Variants in RGS6 observed in about 807,000 individuals in gnomAD.
RGS6 encodes regulator of G-protein signaling 6.
RGS6 carries 30 observed loss-of-function variants against 78.5 expected under a neutral mutation model. The observed-to-expected ratio is 0.38, with a 90% confidence interval of 0.29 to 0.52. The LOEUF (loss-of-function observed/expected upper bound fraction) is 0.52, where lower values mean the gene tolerates loss of function less well. Among genes scored for constraint, RGS6 ranks in the 20% least tolerant of loss-of-function variants. The probability of loss-of-function intolerance (pLI) is 0.85; values close to 1 mark genes in which losing one functional copy is unlikely to be tolerated. For missense variants in RGS6, 495 were observed against 609.7 expected, an observed-to-expected ratio of 0.81 and a Z score of 1.98; for synonymous variants, 206 against 206.0, an observed-to-expected ratio of 1.00 and a Z score of 0.00.
At chr14:72,430,839 A>G (rs1597408186) in intron 3 of RGS6, among the ~76,000 whole-genome samples, 2 of 152,182 alleles carry the variant, frequency 1.3e-5, no homozygotes, top group Admixed American at 6.5e-5. Context: ...GAGGGTTGCA[A>G]CCATGGCTTT....
intron 2 of RGS6, among the ~76,000 whole-genome samples, chr14:72,047,892 A>ATTT (rs1470612017): frequency 1.2e-4 from 10 of 83,458 alleles, no homozygotes; most frequent in Non-Finnish European, 1.3e-4. Flanking sequence ...TGCCCAGCTA[A>ATTT]TTTTTGTTTT....
chr14:72,594,879 T>C, the RGS6 span: 1 of 152,188 alleles, frequency 6.6e-6, no homozygotes, highest in African/African-American at 2.4e-5. Context: ...TGAAGGCCAC[T>C]GCCTTGGACT....
chr14:72,229,986 T>A (rs2049140337), intron 2 of RGS6, among the ~76,000 whole-genome samples: 1 of 152,212 alleles, frequency 6.6e-6, no homozygotes, highest in Admixed American at 6.5e-5. Flanking sequence ...TGTGGGCCAA[T>A]CACTTGTGCA....
the RGS6 span, among the ~76,000 whole-genome samples, chr14:72,622,004 A>G: frequency 6.6e-6 from 1 of 152,164 alleles, no homozygotes; most frequent in Non-Finnish European, 1.5e-5. Context: ...TGAGATATGG[A>G]CTTGGGATTC....
chr14:72,020,327 A>T (rs2088124317), intron 2 of RGS6, among the ~76,000 whole-genome samples: 1 of 152,214 alleles, frequency 6.6e-6, no homozygotes, highest in Non-Finnish European at 1.5e-5. Context: ...ATTTAATCAG[A>T]CCAAGTGCCT....
intron 3 of RGS6, among the ~76,000 whole-genome samples, chr14:72,370,123 CTGAA>C (rs2083193976): frequency 6.8e-6 from 1 of 148,020 alleles, no homozygotes; most frequent in Admixed American, 6.8e-5. Flanking sequence ...GACCAACTGT[CTGAA>C]TGAGAACAAT....
intron 2 of RGS6, among the ~76,000 whole-genome samples, chr14:72,093,348 T>A (rs1002910555): frequency 2.6e-5 from 4 of 152,146 alleles, no homozygotes; most frequent in African/African-American, 9.7e-5. Context: ...GCTCAAGTGA[T>A]CCTCCTACCT....
the RGS6 span, among the ~76,000 whole-genome samples, chr14:72,591,646 C>G: frequency 6.6e-6 from 1 of 152,204 alleles, no homozygotes; most frequent in South Asian, 2.1e-4. Flanking sequence ...ACAGCATTTA[C>G]CTGGTGCCTA....
intron 2 of RGS6, among the ~76,000 whole-genome samples, chr14:71,997,704 G>C (rs753637677): frequency 6.6e-6 from 1 of 152,164 alleles, no homozygotes; most frequent in Non-Finnish European, 1.5e-5. Flanking sequence ...TGAGTCAGAG[G>C]CCTGGGGGTC....
chr14:72,499,993 G>A (rs543041369), intron 13 of RGS6, among the ~76,000 whole-genome samples: 7 of 152,292 alleles, frequency 4.6e-5, no homozygotes, highest in East Asian at 1.9e-4. Flanking sequence ...TTATTTGATC[G>A]TTTCATTGGT....
chr14:71,957,151 A>C (rs1365770694), intron 1 of RGS6, among the ~76,000 whole-genome samples: 1 of 152,150 alleles, frequency 6.6e-6, no homozygotes, highest in Non-Finnish European at 1.5e-5. Flanking sequence ...TAGGTCTTTG[A>C]CTCTGATGTT....
At chr14:72,524,225 AT>A (rs1174691248) in intron 15 of RGS6, among the ~76,000 whole-genome samples, 1 of 152,158 alleles carries the variant, frequency 6.6e-6, no homozygotes, top group African/African-American at 2.4e-5. Flanking sequence ...TAAGAACTGA[AT>A]TTTCAGGTCC....
At chr14:71,972,776 A>G (rs2093890531) in intron 2 of RGS6, among the ~76,000 whole-genome samples, 2 of 152,126 alleles carry the variant, frequency 1.3e-5, no homozygotes. Context: ...TACAGATGGG[A>G]GGATGTGTTT....
intron 2 of RGS6, among the ~76,000 whole-genome samples, chr14:72,296,212 G>C (rs1198223822): frequency 1.3e-5 from 2 of 152,152 alleles, no homozygotes; most frequent in Non-Finnish European, 2.9e-5. Flanking sequence ...TTTTATGCCT[G>C]AGTAGTGTTC....
rs1285696850 is a variant in RGS6, at chr14:72,563,862, A to G, written c.*1395A>G. ...CCAGACATTCACTCCCCCACTTGCT[A>G]TGACTACCCTCCTTTGATCTATTTT... On this transcript the variant is annotated 3_prime_UTR_variant, in exon 18 of 18. Transcript: ENST00000553525. 3 of 152,264 alleles carry G rather than the reference A, an allele frequency of 2.0e-5. No individual in the cohort carries two copies. The highest frequency in any genetic ancestry group is 2.1e-4 in the South Asian group (1 of 4,816). The allele number at this position is 152,264 out of a possible 1,614,324, so 9.4% of individuals were successfully genotyped here.
chr14:72,179,085 C>T (rs536651911), intron 2 of RGS6, among the ~76,000 whole-genome samples: 1 of 152,194 alleles, frequency 6.6e-6, no homozygotes, highest in South Asian at 2.1e-4. Context: ...GAAATCTGGC[C>T]CAAGATTTTC....
In RGS6 at chr14:72,352,187, C is replaced by T. The variant is rs1456543062; in HGVS notation, c.177C>T (p.Val59=). 9 of 1,612,312 alleles carry T rather than the reference C, an allele frequency of 5.6e-6. No individual in the cohort carries two copies. Among genetic ancestry groups the T allele is most frequent in the African/African-American group, 1.3e-5 (1 of 74,882 alleles). ...GCTTTCTCTCCAAAATCCCCAGTGT[C>T]GTCACAGGTAACACCCTCCTTGCAA... ...VKSFLSKIPS[V]VTGTDIVQWL... is the part of the protein sequence containing the mutation. The change falls in exon 3 of 18, where the codon GTC becomes GTT. Residue 59 remains valine (V), a synonymous_variant. Transcript: ENST00000553525.
chr14:72,248,249 A>G, intron 2 of RGS6, among the ~76,000 whole-genome samples: 1 of 152,288 alleles, frequency 6.6e-6, no homozygotes, highest in East Asian at 1.9e-4. Context: ...ATGTACTATC[A>G]TTATAGATTT....
the RGS6 span, among the ~76,000 whole-genome samples, chr14:71,873,011 T>C: frequency 0.01 from 1,589 of 152,334 alleles, 59 homozygotes; most frequent in Admixed American, 0.076. Context: ...ATGGTGAATA[T>C]GTGCCACATT....
Sources: allele counts gnomAD v4.1 joint callset (sites outside exome capture counted in the v4.1 genomes callset), GRCh38; gene constraint gnomAD v4.1.1; transcripts MANE v1.5; gene names NCBI Gene and HGNC (gene_info 2026-07-23, HGNC 2026-07-21).